Variants in MAP3K7CL observed in about 807,000 individuals in gnomAD.
MAP3K7CL encodes the protein MAP3K7 C-terminal-like protein.
In MAP3K7CL, 16 loss-of-function variants were observed where a neutral mutation model predicts 18.6. The observed-to-expected ratio is 0.86, with a 90% CI of 0.58 to 1.31. The LOEUF (loss-of-function observed/expected upper bound fraction) is 1.31, where lower values mean the gene tolerates loss of function less well. Among genes scored for constraint, MAP3K7CL ranks in the 50% most tolerant of loss-of-function variants. The probability of loss-of-function intolerance (pLI) is 0.00; values close to 1 mark genes in which losing one functional copy is unlikely to be tolerated. For missense variants in MAP3K7CL, 163 were observed against 174.4 expected, an observed-to-expected ratio of 0.93 and a Z score of 0.37; for synonymous variants, 65 against 66.8, an observed-to-expected ratio of 0.97 and a Z score of 0.13.
At chr21:29,118,977 G>A (rs1360450666) in intron 4 of MAP3K7CL, among the ~76,000 whole-genome samples, 1 of 152,172 alleles carries the variant, frequency 6.6e-6, no homozygotes, top group Non-Finnish European at 1.5e-5. Flanking sequence ...AGATGATGGT[G>A]CTGGTCTTTA....
At chr21:29,162,905 G>A (rs1375412503) in intron 4 of MAP3K7CL, among the ~76,000 whole-genome samples, 1 of 152,134 alleles carries the variant, frequency 6.6e-6, no homozygotes, top group African/African-American at 2.4e-5. Flanking sequence ...AGGAGTTTGA[G>A]ACTAGCCTGG....
At chr21:29,091,644 T>C (rs1437606958) in intron 2 of MAP3K7CL, 1 of 701,048 alleles carries the variant, frequency 1.4e-6, no homozygotes, top group Non-Finnish European at 2.6e-6. Flanking sequence ...TCCAGCTAAG[T>C]TTTTCTTTCT....
At chr21:29,129,765 C>A (rs1244620755), upstream of MAP3K7CL, among the ~76,000 whole-genome samples, 1 of 152,170 alleles carries the variant, frequency 6.6e-6, no homozygotes, top group Non-Finnish European at 1.5e-5. Context: ...GTTTTCATTC[C>A]CACCAGCACG....
At chr21:29,159,873 G>A (rs1407713009) in intron 3 of MAP3K7CL, 68 bp from the exon 4 acceptor site, 32 of 1,255,208 alleles carry the variant, frequency 2.5e-5, no homozygotes, top group Non-Finnish European at 1.7e-5. Context: ...GAACATCAGC[G>A]AGCAAAATGG....
intron 4 of MAP3K7CL, among the ~76,000 whole-genome samples, chr21:29,097,923 C>A (rs2086151342): frequency 6.6e-6 from 1 of 151,984 alleles, no homozygotes; most frequent in South Asian, 2.1e-4. Context: ...ATTCTATAAA[C>A]TGTTGTGTCT....
At chr21:29,150,756 C>T (rs1166889803) in intron 3 of MAP3K7CL, among the ~76,000 whole-genome samples, 3 of 148,056 alleles carry the variant, frequency 2.0e-5, no homozygotes, top group African/African-American at 4.9e-5. Context: ...CAATTCAGCT[C>T]TCCCTCTACC....
chr21:29,093,145 C>A (rs2086059005), intron 4 of MAP3K7CL, among the ~76,000 whole-genome samples: 1 of 152,236 alleles, frequency 6.6e-6, no homozygotes, highest in South Asian at 2.1e-4. Context: ...TTCAAGTGAT[C>A]CGCCCGCCTC....
chr21:29,105,998 T>C (rs1175001272), intron 4 of MAP3K7CL, among the ~76,000 whole-genome samples: 1 of 152,152 alleles, frequency 6.6e-6, no homozygotes, highest in Non-Finnish European at 1.5e-5. Context: ...CTTCACAAAA[T>C]TGAGACCCCA....
At chr21:29,089,435 C>T (rs530349997) in intron 1 of MAP3K7CL, among the ~76,000 whole-genome samples, 7 of 152,068 alleles carry the variant, frequency 4.6e-5, no homozygotes, top group Non-Finnish European at 8.8e-5. Context: ...TGGGTTAATA[C>T]GTATTTGTGC....
chr21:29,164,086 C>A (rs190482512), intron 4 of MAP3K7CL, among the ~76,000 whole-genome samples: 1 of 148,124 alleles, frequency 6.8e-6, no homozygotes, highest in East Asian at 2.0e-4. Flanking sequence ...GGTGACAGTG[C>A]GAGACTCCAT....
At chr21:29,170,423 A>T (rs143357397) in intron 4 of MAP3K7CL, among the ~76,000 whole-genome samples, 1 of 152,198 alleles carries the variant, frequency 6.6e-6, no homozygotes, top group Non-Finnish European at 1.5e-5. Flanking sequence ...AAAATTAATG[A>T]CAGATAGCTT....
At chr21:29,108,060 C>T (rs1307588771) in intron 4 of MAP3K7CL, among the ~76,000 whole-genome samples, 2 of 152,136 alleles carry the variant, frequency 1.3e-5, no homozygotes, top group African/African-American at 2.4e-5. Flanking sequence ...AAGGAAACTA[C>T]GAGCTTGAAG....
At chr21:29,099,261 A>ATTTTTTTT (rs968362985) in intron 4 of MAP3K7CL, among the ~76,000 whole-genome samples, 11 of 83,028 alleles carry the variant, frequency 1.3e-4, no homozygotes, top group Admixed American at 1.6e-4. Context: ...CAGCTAATTG[A>ATTTTTTTT]TTTTTTTTTT....
In MAP3K7CL at chr21:29,134,923, C is replaced by T. The variant is rs570791183; in HGVS notation, c.70+1509C>T. On this transcript the variant is annotated intron_variant, in intron 2 of 4. Transcript: ENST00000399928. ...AAAATTAGCTGGGCCTGGTGGCGGGCGCCTGTAGTCCCAGCTACTCGGGAG... is the reference window on the plus strand; with the variant it reads ...AAAATTAGCTGGGCCTGGTGGCGGGTGCCTGTAGTCCCAGCTACTCGGGAG... Among the ~76,000 whole-genome samples the T allele has an allele frequency of 2.5e-3, 376 of 152,022 alleles. 1 individual carries two copies. The highest frequency in any genetic ancestry group is 8.1e-3 in the African/African-American group (335 of 41,466).
intron 4 of MAP3K7CL, among the ~76,000 whole-genome samples, chr21:29,093,642 G>A (rs1240289359): frequency 6.6e-5 from 10 of 151,696 alleles, no homozygotes; most frequent in Non-Finnish European, 1.3e-4. Flanking sequence ...CCACCACGCC[G>A]GGCTAATTTT....
intron 2 of MAP3K7CL, among the ~76,000 whole-genome samples, chr21:29,135,401 A>G (rs564507803): frequency 6.6e-5 from 10 of 152,308 alleles, no homozygotes; most frequent in Admixed American, 6.5e-4. Flanking sequence ...TTTTTTACTC[A>G]TGCTGCATGT....
chr21:29,121,046 A>C (rs2086584006), intron 4 of MAP3K7CL, among the ~76,000 whole-genome samples: 1 of 135,634 alleles, frequency 7.4e-6, no homozygotes. Flanking sequence ...AGCCTGGGCA[A>C]CAGAGTCAGA....
At position 29,161,102 on chromosome 21, in the gene MAP3K7CL, G is replaced by A. The variant is rs574766917; in HGVS notation, c.248+1046G>A. Among the ~76,000 whole-genome samples, 20 of 152,340 alleles carry A rather than the reference G, an allele frequency of 1.3e-4. No individual in the cohort carries two copies. In the South Asian group the frequency reaches 4.1e-3, roughly 32 times the overall value. On this transcript the variant is annotated intron_variant, in intron 4 of 4. Coordinates refer to ENST00000399928, the MANE Select transcript of MAP3K7CL (RefSeq NM_001286620.2). ...GAGGCTGGTAGATCACCTGAGGTCAGGATTTGAGAACAGCCTGGCCAACAT... is the reference window on the plus strand; with the variant it reads ...GAGGCTGGTAGATCACCTGAGGTCAAGATTTGAGAACAGCCTGGCCAACAT...
chr21:29,134,676 C>T (rs1055161407), intron 2 of MAP3K7CL, among the ~76,000 whole-genome samples: 21 of 152,192 alleles, frequency 1.4e-4, no homozygotes, highest in Non-Finnish European at 2.1e-4. Context: ...ATCAATCCAC[C>T]CCAACATAGA....
Sources: allele counts gnomAD v4.1 joint callset (sites outside exome capture counted in the v4.1 genomes callset), GRCh38; gene constraint gnomAD v4.1.1; transcripts MANE v1.5; gene names NCBI Gene and HGNC (gene_info 2026-07-23, HGNC 2026-07-21).